Variants in BCR observed in about 807,000 individuals in gnomAD.
The protein encoded by BCR is BCR activator of RhoGEF and GTPase.
In BCR, 58 loss-of-function variants were observed where a neutral mutation model predicts 138.6. The observed-to-expected ratio is 0.42, with a 90% CI of 0.34 to 0.52. The LOEUF (loss-of-function observed/expected upper bound fraction) is 0.52, where lower values mean the gene tolerates loss of function less well. Ranked by LOEUF, BCR falls within the 20% of genes least tolerant of loss-of-function variation. BCR has a pLI of 0.06. For synonymous variants in BCR, 786 were observed against 730.1 expected (o/e 1.08, Z -1.23); for missense variants, 1,599 against 1,727.2 (o/e 0.93, Z 1.32).
chr22:23,261,115 C>A, intron 3 of BCR, 61 bp downstream of exon 3: 2 of 1,510,848 alleles, frequency 1.3e-6, no homozygotes, highest in Middle Eastern at 2.2e-4. Flanking sequence ...GGTTGGGGAG[C>A]CTCTTTGCCC....
At chr22:23,290,552 A>C (rs2073774153) in intron 14 of BCR, 139 bp downstream of exon 14, 1 of 886,732 alleles carries the variant, frequency 1.1e-6, no homozygotes, top group Non-Finnish European at 1.9e-6. Context: ...GCCGCTGTGG[A>C]GTGTTTGTGC....
intron 1 of BCR, among the ~76,000 whole-genome samples, chr22:23,185,619 T>TC (rs1433553687): frequency 2.0e-5 from 3 of 149,776 alleles, no homozygotes; most frequent in Non-Finnish European, 3.0e-5. Context: ...TGAGCCGAGA[T>TC]CGCTGGGCTG....
chr22:23,239,655 CTG>C (rs1404509362), intron 1 of BCR, among the ~76,000 whole-genome samples: 1 of 152,216 alleles, frequency 6.6e-6, no homozygotes, highest in Admixed American at 6.5e-5. Flanking sequence ...GAACCACAAA[CTG>C]TGCAGCCCAA....
At position 23,261,528 on chromosome 22, in the gene BCR, C is replaced by T. The variant is rs1350363193; in HGVS notation, c.1740C>T (p.Leu580=). 1 of 1,612,144 alleles carries T rather than the reference C, an allele frequency of 6.2e-7. No homozygotes were observed. The highest frequency in any genetic ancestry group is 1.7e-5 in the Admixed American group (1 of 60,016). Residue 580 remains leucine, a synonymous_variant, in exon 4 of 23, where the codon CTC becomes CTT. Transcript: ENST00000305877. ...GCCACCAGCAGCGGGTGGGCGACCT[C>T]TTCCAGAAGCTGGTGAGTAACCCAG... The part of the protein sequence containing the change: ...QWSHQQRVGD[L]FQKLASQLGV...
At chr22:23,223,170 G>GT (rs1343152548) in intron 1 of BCR, among the ~76,000 whole-genome samples, 1 of 152,170 alleles carries the variant, frequency 6.6e-6, no homozygotes, top group African/African-American at 2.4e-5. Flanking sequence ...AAGAGCTTTG[G>GT]TGGGGGGTAC....
intron 1 of BCR, among the ~76,000 whole-genome samples, chr22:23,196,774 C>T (rs977014596): frequency 1.3e-5 from 2 of 152,138 alleles, no homozygotes; most frequent in Admixed American, 6.5e-5. Flanking sequence ...ATACTGCTGC[C>T]GGCCTGACAG....
At chr22:23,290,298 C>T in intron 13 of BCR, 41 bp from the exon 14 acceptor site, 1 of 1,588,722 alleles carries the variant, frequency 6.3e-7, no homozygotes, top group African/African-American at 1.3e-5. Context: ...GCCTCCCTTT[C>T]CCGGGACAAC....
intron 1 of BCR, among the ~76,000 whole-genome samples, chr22:23,226,913 G>A (rs557034480): frequency 6.6e-5 from 10 of 152,178 alleles, no homozygotes; most frequent in Non-Finnish European, 1.3e-4. Context: ...TATAGGTTTG[G>A]GTTTGGGGGA....
chr22:23,228,447 A>G (rs183856309), intron 1 of BCR, among the ~76,000 whole-genome samples: 1 of 152,308 alleles, frequency 6.6e-6, no homozygotes. Context: ...AAATAAATGT[A>G]TTAGTTTCCT....
chr22:23,285,999 T>C (rs1009324275), intron 10 of BCR, among the ~76,000 whole-genome samples: 1 of 152,164 alleles, frequency 6.6e-6, no homozygotes, highest in African/African-American at 2.4e-5. Flanking sequence ...AAGTGTGTGG[T>C]CTCCTGATAC....
At chr22:23,216,910 A>G (rs1377638288) in intron 1 of BCR, 10 of 317,018 alleles carry the variant, frequency 3.2e-5, no homozygotes, top group African/African-American at 1.1e-4. Flanking sequence ...GGCCTGGGCT[A>G]TGGAACTTCT....
intron 18 of BCR, among the ~76,000 whole-genome samples, chr22:23,310,795 C>T (rs1268720505): frequency 6.6e-6 from 1 of 152,218 alleles, no homozygotes; most frequent in Non-Finnish European, 1.5e-5. Context: ...GCAGTTCATG[C>T]AGACATAGAC....
intron 1 of BCR, among the ~76,000 whole-genome samples, chr22:23,202,198 C>T (rs925094520): frequency 2.0e-5 from 3 of 152,058 alleles, no homozygotes; most frequent in Non-Finnish European, 2.9e-5. Flanking sequence ...ACTTCTCTCT[C>T]TTTTTTTAAA....
At chr22:23,216,493 C>T (rs1258748059) in intron 1 of BCR, among the ~76,000 whole-genome samples, 1 of 152,142 alleles carries the variant, frequency 6.6e-6, no homozygotes, top group Non-Finnish European at 1.5e-5. Context: ...TGTCATCATC[C>T]GATGGTAAGG....
At chr22:23,199,544 C>T (rs1053073723) in intron 1 of BCR, among the ~76,000 whole-genome samples, 1 of 152,154 alleles carries the variant, frequency 6.6e-6, no homozygotes, top group African/African-American at 2.4e-5. Flanking sequence ...GCTGCGCCCC[C>T]AGAAAGCCAG....
chr22:23,270,607 A>T (rs964033536), intron 5 of BCR, among the ~76,000 whole-genome samples: 1 of 152,230 alleles, frequency 6.6e-6, no homozygotes. Context: ...ACCAAAGTGC[A>T]TGGCAGCGTT....
chr22:23,306,850 G>A (rs991781034), intron 16 of BCR: 1 of 152,628 alleles, frequency 6.6e-6, no homozygotes, highest in African/African-American at 2.4e-5. Context: ...CCCCAGCCGG[G>A]CGGGCCGGAG....
chr22:23,225,087 A>G (rs2072873737), intron 1 of BCR, among the ~76,000 whole-genome samples: 1 of 151,738 alleles, frequency 6.6e-6, no homozygotes, highest in Non-Finnish European at 1.5e-5. Flanking sequence ...CTGGAGCAGG[A>G]TAAGATGAGC....
At chr22:23,197,999 G>A (rs550807578) in intron 1 of BCR, among the ~76,000 whole-genome samples, 53 of 152,318 alleles carry the variant, frequency 3.5e-4, no homozygotes, top group African/African-American at 1.1e-3. Context: ...CGTGGGTTGC[G>A]GAGGGTGTGT....
Sources: gnomAD v4.1 joint callset for allele counts (sites outside exome capture counted in the v4.1 genomes callset) on GRCh38, gnomAD v4.1.1 for gene constraint, MANE v1.5 for transcripts, NCBI Gene and HGNC (gene_info 2026-07-23, HGNC 2026-07-21) for gene names.